GFRA1: variants seen among roughly 807,000 people sequenced by gnomAD.
GFRA1 encodes GDNF family receptor alpha-1.
In GFRA1, 16 loss-of-function variants were observed where a neutral mutation model predicts 51.6. The observed-to-expected ratio is 0.31, with a 90% CI of 0.21 to 0.47. GFRA1 has a LOEUF of 0.47. Among genes scored for constraint, GFRA1 ranks in the 20% least tolerant of loss-of-function variants. The pLI, the probability that GFRA1 is intolerant of heterozygous loss-of-function variation, is 1.00. For missense variants in GFRA1, 530 were observed against 594.3 expected (o/e 0.89, Z 1.13); for synonymous variants, 270 against 241.3 (o/e 1.12, Z -1.10).
At chr10:116,123,059 C>T (rs1157037541) in intron 6 of GFRA1, among the ~76,000 whole-genome samples, 1 of 152,260 alleles carries the variant, frequency 6.6e-6, no homozygotes, top group Non-Finnish European at 1.5e-5. Flanking sequence ...AGGATCTCTG[C>T]TCCATCCCAT....
chr10:116,123,678 G>A (rs575477520), intron 6 of GFRA1, among the ~76,000 whole-genome samples: 4 of 152,124 alleles, frequency 2.6e-5, no homozygotes, highest in Non-Finnish European at 5.9e-5. Context: ...CACTGGCTTA[G>A]CATATATTGA....
At chr10:116,133,989 G>A (rs1023900837) in intron 5 of GFRA1, among the ~76,000 whole-genome samples, 7 of 152,214 alleles carry the variant, frequency 4.6e-5, no homozygotes, top group Non-Finnish European at 5.9e-5. Flanking sequence ...CTTAGAAAAT[G>A]CCACCGTTAT....
At chr10:116,133,080 T>C (rs1477845249) in intron 5 of GFRA1, among the ~76,000 whole-genome samples, 1 of 151,950 alleles carries the variant, frequency 6.6e-6, no homozygotes, top group Non-Finnish European at 1.5e-5. Context: ...TTTAACTTGG[T>C]AGAATGTCTG....
chr10:116,243,683 G>A (rs571201639), intron 4 of GFRA1, among the ~76,000 whole-genome samples: 1 of 152,086 alleles, frequency 6.6e-6, no homozygotes, highest in African/African-American at 2.4e-5. Flanking sequence ...CTGGGAGTGG[G>A]GTCCAGGTAT....
chr10:116,110,449 C>T (rs1185414675), intron 6 of GFRA1, among the ~76,000 whole-genome samples: 2 of 152,158 alleles, frequency 1.3e-5, no homozygotes, highest in East Asian at 1.9e-4. Flanking sequence ...AGAGGACACT[C>T]TCCCTCATGG....
In GFRA1 at chr10:116,272,450, G is replaced by A; in HGVS notation, c.-246-175C>T. ...GTTTTCCAGGGGCCGCTGACACGGG[G>A]ATGGAGGTGAGGGCTGGAGAGGTCT... On this transcript the variant is annotated intron_variant, in intron 1 of 10. Coordinates refer to ENST00000355422, the MANE Select transcript of GFRA1 (RefSeq NM_005264.8). This position sits in a 1 kb window ranked among gnomAD's most constrained non-coding sequence, Gnocchi z 4.4. 1 of 308,660 alleles carries A rather than the reference G, an allele frequency of 3.2e-6. No individual in the cohort carries two copies. The highest frequency in any genetic ancestry group is 3.5e-5 in the South Asian group (1 of 28,548). 19.1% of individuals were successfully genotyped at this position (308,660 alleles called of 1,614,324 possible). A position where few individuals can be genotyped will look rare whatever the true frequency, so the allele number is the denominator to read the frequency against.
At chr10:116,090,352 A>T (rs536441505) in intron 8 of GFRA1, among the ~76,000 whole-genome samples, 8 of 151,762 alleles carry the variant, frequency 5.3e-5, no homozygotes, top group South Asian at 2.1e-4. Flanking sequence ...AGTGCTTTTT[A>T]AAAAAAATCC....
At chr10:116,078,463 C>T (rs1192322393) in intron 9 of GFRA1, among the ~76,000 whole-genome samples, 1 of 152,100 alleles carries the variant, frequency 6.6e-6, no homozygotes, top group Non-Finnish European at 1.5e-5. Flanking sequence ...CCACACAGGG[C>T]CTGGAACCAC....
chr10:116,126,203 A>G (rs937327217), intron 5 of GFRA1, among the ~76,000 whole-genome samples: 7 of 152,228 alleles, frequency 4.6e-5, no homozygotes, highest in African/African-American at 1.7e-4. Flanking sequence ...TTAACTCACC[A>G]CAGACAACAC....
intron 4 of GFRA1, among the ~76,000 whole-genome samples, chr10:116,265,313 C>T (rs1969574722): frequency 6.6e-6 from 1 of 152,192 alleles, no homozygotes; most frequent in Admixed American, 6.5e-5. Context: ...CATCTATCCA[C>T]TTGATTCTTG....
intron 9 of GFRA1, among the ~76,000 whole-genome samples, chr10:116,070,253 TAC>T (rs1466884643): frequency 6.6e-6 from 1 of 152,288 alleles, no homozygotes; most frequent in Non-Finnish European, 1.5e-5. Context: ...AACAGAGAAA[TAC>T]ACAGACTGTA....
chr10:116,145,340 A>C (rs569635243), intron 5 of GFRA1, among the ~76,000 whole-genome samples: 15 of 152,128 alleles, frequency 9.9e-5, no homozygotes, highest in African/African-American at 3.4e-4. Flanking sequence ...AGGAGGAGGT[A>C]ATCAATAAAA....
chr10:116,261,972 A>T (rs1251761625), intron 4 of GFRA1, among the ~76,000 whole-genome samples: 1 of 152,186 alleles, frequency 6.6e-6, no homozygotes. Context: ...TCCTGGATCC[A>T]TACACTTTTA....
intron 5 of GFRA1, among the ~76,000 whole-genome samples, chr10:116,173,237 C>A (rs1386058597): frequency 6.6e-6 from 1 of 152,218 alleles, no homozygotes; most frequent in Admixed American, 6.5e-5. Context: ...ACCTCAGAAC[C>A]TGGGGACCAG....
intron 5 of GFRA1, among the ~76,000 whole-genome samples, chr10:116,184,267 A>G (rs746857389): frequency 7.9e-5 from 12 of 152,248 alleles, no homozygotes; most frequent in Non-Finnish European, 1.8e-4. Context: ...CAAAGCCTCC[A>G]GATGGCATAG....
intron 6 of GFRA1, among the ~76,000 whole-genome samples, chr10:116,099,350 C>A (rs573366671): frequency 6.6e-6 from 1 of 152,134 alleles, no homozygotes; most frequent in Non-Finnish European, 1.5e-5. Flanking sequence ...TTTACTGGCA[C>A]GTCTCTATTT....
chr10:116,174,226 C>T (rs1268400096), intron 5 of GFRA1, among the ~76,000 whole-genome samples: 1 of 152,018 alleles, frequency 6.6e-6, no homozygotes, highest in Admixed American at 6.5e-5. Context: ...AATATGATTC[C>T]AGTATATTTT....
intron 5 of GFRA1, among the ~76,000 whole-genome samples, chr10:116,136,979 TC>T (rs1198970385): frequency 6.6e-6 from 1 of 152,192 alleles, no homozygotes; most frequent in Non-Finnish European, 1.5e-5. Context: ...AAGCCATTGC[TC>T]CAAAGATGGT....
At chr10:116,228,720 C>T (rs1253866771) in intron 4 of GFRA1, among the ~76,000 whole-genome samples, 2 of 151,770 alleles carry the variant, frequency 1.3e-5, no homozygotes, top group South Asian at 2.1e-4. Flanking sequence ...CGGTGGCTCA[C>T]GCCTGTAATC....
Sources: gnomAD v4.1 joint callset for allele counts (sites outside exome capture counted in the v4.1 genomes callset) on GRCh38, gnomAD v4.1.1 for gene constraint, Gnocchi (gnomAD v3.1) non-coding constraint, MANE v1.5 for transcripts, NCBI Gene and HGNC (gene_info 2026-07-23, HGNC 2026-07-21) for gene names.